Variants in ZNF362 observed in about 807,000 individuals in gnomAD.
ZNF362 encodes rotund homolog.
A neutral mutation model predicts 42.9 loss-of-function variants in ZNF362; 11 were observed. The observed-to-expected ratio is 0.26, with a 90% CI of 0.16 to 0.42. The LOEUF (loss-of-function observed/expected upper bound fraction) is 0.42, where lower values mean the gene tolerates loss of function less well. Ranked by LOEUF, ZNF362 falls within the 20% of genes least tolerant of loss-of-function variation. ZNF362 has a pLI of 1.00. For synonymous variants in ZNF362, 255 were observed against 257.3 expected, an observed-to-expected ratio of 0.99 and a Z score of 0.09; for missense variants, 362 against 576.2, an observed-to-expected ratio of 0.63 and a Z score of 3.81.
the ZNF362 span, among the ~76,000 whole-genome samples, chr1:33,186,986 T>TGATACAGGGAAGGGAAGGC: frequency 6.6e-6 from 1 of 151,158 alleles, no homozygotes; most frequent in Non-Finnish European, 1.5e-5. Flanking sequence ...AGTGGGAAGG[T>TGATACAGGGAAGGGAAGGC]GATACAGGGA....
At chr1:33,192,338 A>G in the ZNF362 span, among the ~76,000 whole-genome samples, 1 of 152,202 alleles carries the variant, frequency 6.6e-6, no homozygotes, top group African/African-American at 2.4e-5. Flanking sequence ...TCTACAATAT[A>G]TTAAAGACCA....
intron 1 of ZNF362, among the ~76,000 whole-genome samples, chr1:33,262,123 C>A (rs370223192): frequency 1.3e-5 from 2 of 151,786 alleles, no homozygotes; most frequent in East Asian, 3.9e-4. Flanking sequence ...GGGGAGGTGG[C>A]TGAATAGTGT....
chr1:33,245,627 A>T, the ZNF362 span, among the ~76,000 whole-genome samples: 1 of 152,330 alleles, frequency 6.6e-6, no homozygotes, highest in Admixed American at 6.5e-5. Flanking sequence ...AAAATCCAAC[A>T]GCAAGTGTCC....
At chr1:33,240,445 T>A in the ZNF362 span, among the ~76,000 whole-genome samples, 1 of 152,348 alleles carries the variant, frequency 6.6e-6, no homozygotes, top group Non-Finnish European at 1.5e-5. Context: ...CTTTTAGATA[T>A]AATTATATAT....
At chr1:33,197,199 A>G in the ZNF362 span, among the ~76,000 whole-genome samples, 1 of 152,126 alleles carries the variant, frequency 6.6e-6, no homozygotes, top group Admixed American at 6.5e-5. Flanking sequence ...GCCTTCAGCC[A>G]TTGACTGAAG....
In ZNF362 at chr1:33,300,096, C is replaced by G. The variant is rs774768721; in HGVS notation, c.*1050C>G. On this transcript the variant is annotated 3_prime_UTR_variant, in exon 9 of 9. Coordinates refer to ENST00000539719, the MANE Select transcript of ZNF362 (RefSeq NM_152493.3). Reference sequence around the variant, plus strand: ...ACCCCAATCTGAAAGCCATGCGTGTCGGTGTATATAGGAACCATGTACAGA... The same window carrying G: ...ACCCCAATCTGAAAGCCATGCGTGTGGGTGTATATAGGAACCATGTACAGA... 1 of 152,426 alleles carries G rather than the reference C, an allele frequency of 6.6e-6. No individual in the cohort carries two copies. Among genetic ancestry groups the G allele is most frequent in the Admixed American group, 6.6e-5 (1 of 15,252 alleles). 9.4% of individuals were successfully genotyped at this position (152,426 alleles called of 1,614,324 possible).
At chr1:33,177,066 TGCACACACAC>T in the ZNF362 span, among the ~76,000 whole-genome samples, 1 of 62,902 alleles carries the variant, frequency 1.6e-5, no homozygotes, top group Non-Finnish European at 3.6e-5. The surrounding 1 kb of genome is among the most constrained non-coding windows in gnomAD (Gnocchi z 4.1). Flanking sequence ...CACACACACA[TGCACACACAC>T]ACATGCATGC....
chr1:33,298,226 TG>T (rs1343727524), intron 8 of ZNF362, among the ~76,000 whole-genome samples: 4 of 152,226 alleles, frequency 2.6e-5, no homozygotes, highest in Admixed American at 2.6e-4. Context: ...AGTACCCACC[TG>T]TAGTCCCAGC....
chr1:33,128,461 T>C, the ZNF362 span, among the ~76,000 whole-genome samples: 1 of 152,220 alleles, frequency 6.6e-6, no homozygotes, highest in African/African-American at 2.4e-5. Flanking sequence ...TAAGTTATTT[T>C]CATTTACAAA....
chr1:33,201,606 C>T, the ZNF362 span, among the ~76,000 whole-genome samples: 1 of 152,052 alleles, frequency 6.6e-6, no homozygotes, highest in East Asian at 1.9e-4. Flanking sequence ...AATGGTAATA[C>T]ACATATTAAA....
intron 6 of ZNF362, among the ~76,000 whole-genome samples, chr1:33,289,203 G>A (rs1646056462): frequency 6.6e-6 from 1 of 152,188 alleles, no homozygotes; most frequent in African/African-American, 2.4e-5. Context: ...GCAAAGGCTC[G>A]AGGCCCGCCG....
the ZNF362 span, among the ~76,000 whole-genome samples, chr1:33,247,572 T>C: frequency 1.3e-5 from 2 of 152,258 alleles, no homozygotes; most frequent in Non-Finnish European, 2.9e-5. Context: ...TGTGGGCTGC[T>C]TTGAATTCTC....
At chr1:33,239,220 A>G in the ZNF362 span, among the ~76,000 whole-genome samples, 1 of 152,230 alleles carries the variant, frequency 6.6e-6, no homozygotes, top group East Asian at 1.9e-4. Context: ...GGGGAGTTGC[A>G]GACAATGCTA....
the ZNF362 span, among the ~76,000 whole-genome samples, chr1:33,199,318 A>C: frequency 5.1e-4 from 12 of 23,412 alleles, no homozygotes; most frequent in Admixed American, 6.1e-3. Flanking sequence ...AAAGAATGAC[A>C]GTAGATTTTT....
the ZNF362 span, among the ~76,000 whole-genome samples, chr1:33,173,191 C>T: frequency 3.3e-3 from 498 of 152,286 alleles, 3 homozygotes; most frequent in African/African-American, 0.012. Context: ...TGAGCCCCAA[C>T]CCTCCCTGTG....
At chr1:33,238,024 T>TA in the ZNF362 span, among the ~76,000 whole-genome samples, 6 of 151,910 alleles carry the variant, frequency 3.9e-5, no homozygotes, top group South Asian at 2.1e-4. Flanking sequence ...GCCTTTTATT[T>TA]AAAAAAAATT....
chr1:33,133,331 A>C, the ZNF362 span, among the ~76,000 whole-genome samples: 2 of 152,010 alleles, frequency 1.3e-5, no homozygotes. Context: ...TTTTAATGTC[A>C]CTCTTAAATG....
At chr1:33,279,490 T>TA (rs11408318) in intron 4 of ZNF362, among the ~76,000 whole-genome samples, 25,137 of 151,004 alleles carry the variant, frequency 0.17, 2,594 homozygotes, top group South Asian at 0.26. Flanking sequence ...TTTTTTTTTT[T>TA]AAAAAAACAT....
At chr1:33,166,756 C>G in the ZNF362 span, among the ~76,000 whole-genome samples, 2 of 152,232 alleles carry the variant, frequency 1.3e-5, no homozygotes, top group African/African-American at 4.8e-5. Flanking sequence ...CCACAACACA[C>G]AAGATATCAA....
Sources: allele counts gnomAD v4.1 joint callset (sites outside exome capture counted in the v4.1 genomes callset), GRCh38; gene constraint gnomAD v4.1.1; non-coding constraint Gnocchi (gnomAD v3.1); transcripts MANE v1.5; gene names NCBI Gene and HGNC (gene_info 2026-07-23, HGNC 2026-07-21).